Variants in EPHA8 observed in about 807,000 individuals in gnomAD.
EPHA8 encodes the protein ephrin type-A receptor 8.
EPHA8 carries 58 observed loss-of-function variants against 103.6 expected under a neutral mutation model. The observed-to-expected ratio is 0.56, with a 90% confidence interval of 0.45 to 0.70. The LOEUF is 0.70. EPHA8 is among the 30% of genes least tolerant of loss of function. The pLI is 0.00. For missense variants in EPHA8, 1,304 were observed against 1,395.2 expected, an observed-to-expected ratio of 0.93 and a Z score of 1.04; for synonymous variants, 559 against 572.5, an observed-to-expected ratio of 0.98 and a Z score of 0.34.
rs779034408 is a variant in EPHA8, at chr1:22,576,619, A to G, written c.562A>G (p.Ile188Val). ...KRGFYLAFQD[I>V]GACLAILSLR... ...CGGCTTCTACCTGGCCTTCCAGGAC[A>G]TAGGTGCCTGCCTGGCCATCCTCTC... The change falls in exon 3 of 17, where the codon ATA (isoleucine) becomes GTA (valine). Residue 188 changes from isoleucine (I) to valine (V), a missense_variant. Physicochemically the swap from Ile to Val is conservative, Grantham distance 29. Transcript: ENST00000166244. This position sits in a 1 kb window ranked among gnomAD's most constrained non-coding sequence, Gnocchi z 4.8. 9.9e-6 allele frequency: 16 copies of G among 1,613,828 alleles called. No homozygotes were observed. The highest frequency in any genetic ancestry group is 1.4e-5 in the Non-Finnish European group (16 of 1,180,042).
chr1:22,579,112 TG>T (rs1239255898), intron 3 of EPHA8, among the ~76,000 whole-genome samples: 3 of 146,202 alleles, frequency 2.1e-5, no homozygotes, highest in Non-Finnish European at 4.5e-5. Context: ...TATGTGTGCA[TG>T]TGTACGTGTA....
At position 22,589,775 on chromosome 1, in the gene EPHA8, A is replaced by G. The variant is rs966715041; in HGVS notation, c.1315+569A>G. Among the ~76,000 whole-genome samples the G allele has an allele frequency of 6.6e-6, 1 of 152,082 alleles. No homozygotes were observed. The highest frequency in any genetic ancestry group is 1.5e-5 in the Non-Finnish European group (1 of 67,998). ...GAACCTCTTTCTTCCCAAACTCTGG[A>G]GGACCCTGCCCGTCAAGTGACAGCG... On this transcript the variant is annotated intron_variant, in intron 5 of 16. Coordinates refer to ENST00000166244, the MANE Select transcript of EPHA8 (RefSeq NM_020526.5). The surrounding 1 kb of genome is among the most constrained non-coding windows in gnomAD (Gnocchi z 4.3).
At chr1:22,564,302 G>A (rs984386986) in intron 1 of EPHA8, among the ~76,000 whole-genome samples, 1 of 151,710 alleles carries the variant, frequency 6.6e-6, no homozygotes, top group Admixed American at 6.5e-5. Context: ...TGCGGAATGA[G>A]AGTCTGGGAG....
At chr1:22,599,957 GAGGA>G (rs375664405) in intron 13 of EPHA8, among the ~76,000 whole-genome samples, 1,600 of 78,628 alleles carry the variant, frequency 0.02, 1 homozygote, top group South Asian at 0.05. Flanking sequence ...GGGAGGGAGG[GAGGA>G]AGGAAGGACA....
intron 15 of EPHA8, 46 bp downstream of exon 15, chr1:22,601,134 G>C (rs764003448): frequency 6.4e-7 from 1 of 1,573,120 alleles, no homozygotes; most frequent in Non-Finnish European, 8.6e-7. Flanking sequence ...CTGCCTCCCA[G>C]TATTGCCCCA....
chr1:22,588,077 C>A (rs1641265892), intron 4 of EPHA8, among the ~76,000 whole-genome samples: 1 of 152,218 alleles, frequency 6.6e-6, no homozygotes, highest in African/African-American at 2.4e-5. Flanking sequence ...TTTTAGTATT[C>A]TATACCCTTC....
intron 3 of EPHA8, among the ~76,000 whole-genome samples, chr1:22,583,012 G>T (rs867097039): frequency 6.6e-6 from 1 of 152,222 alleles, no homozygotes; most frequent in Non-Finnish European, 1.5e-5. Context: ...GTCCACCAGC[G>T]GACACCTTAT....
intron 3 of EPHA8, among the ~76,000 whole-genome samples, chr1:22,577,363 T>G (rs1640738001): frequency 6.6e-6 from 1 of 152,126 alleles, no homozygotes; most frequent in Non-Finnish European, 1.5e-5. Flanking sequence ...TTGCCCAAGG[T>G]CATGCAGCTG....
rs2295020 is a variant in EPHA8, at chr1:22,593,714, G to A, written c.1603+28G>A. Reference sequence around the variant, plus strand: ...GAGTGCAGGGAGGGGGCGTGGGCGCGGAGCAGCCCAGGTGCCAGGACCCTG... The same window carrying A: ...GAGTGCAGGGAGGGGGCGTGGGCGCAGAGCAGCCCAGGTGCCAGGACCCTG... On this transcript the variant is annotated intron_variant, in intron 7 of 16. Transcript: ENST00000166244. 98 of 1,540,130 alleles carry A rather than the reference G, an allele frequency of 6.4e-5. No homozygotes were observed. The East Asian group carries it at 6.4e-4, about 10-fold the overall frequency.
At position 22,600,806 on chromosome 1, in the gene EPHA8, G is replaced by T. The variant is rs761988321; in HGVS notation, c.2534G>T (p.Arg845Leu). The change falls in exon 14 of 17, where the codon CGG becomes CTG. Residue 845 changes from arginine to leucine, a missense_variant. Transcript: ENST00000166244. ...GERPYWNMTN[R>L]DVISSVEEGY... is the part of the protein sequence containing the mutation. Reference sequence around the variant, plus strand: ...CGGCCCTACTGGAACATGACCAACCGGGATGTGAGTGCCAAGCCCTGGCAG... The same window carrying T: ...CGGCCCTACTGGAACATGACCAACCTGGATGTGAGTGCCAAGCCCTGGCAG... 6.2e-7 allele frequency: 1 copy of T among 1,605,646 alleles called. No homozygotes were observed. Among genetic ancestry groups the T allele is most frequent in the Non-Finnish European group, 8.5e-7 (1 of 1,175,068 alleles).
chr1:22,582,268 T>A (rs990455814), intron 3 of EPHA8, among the ~76,000 whole-genome samples: 1 of 152,124 alleles, frequency 6.6e-6, no homozygotes, highest in Non-Finnish European at 1.5e-5. Context: ...GGGCGTGGAG[T>A]CAGGGGGTCT....
chr1:22,585,049 G>GTGTGTA (rs1641157441), intron 3 of EPHA8, among the ~76,000 whole-genome samples: 1 of 127,508 alleles, frequency 7.8e-6, no homozygotes, highest in Non-Finnish European at 1.6e-5. Context: ...GTGTGTGTGT[G>GTGTGTA]TGCGCACGCG....
chr1:22,578,905 GTATGTATGCATGTGCGTT>G (rs1351971707), intron 3 of EPHA8, among the ~76,000 whole-genome samples: 4 of 138,360 alleles, frequency 2.9e-5, no homozygotes, highest in Non-Finnish European at 6.4e-5. Flanking sequence ...GTGTGCATGT[GTATGTATGCATGTGCGTT>G]TATGTGTGCA....
chr1:22,570,398 G>A (rs1003699382), intron 2 of EPHA8, among the ~76,000 whole-genome samples: 6 of 79,090 alleles, frequency 7.6e-5, no homozygotes, highest in African/African-American at 3.5e-4. Context: ...GCGCGCATAC[G>A]CACATATGCA....
chr1:22,596,019 G>C lies in EPHA8; in HGVS notation c.1698-87G>C, dbSNP rs548751244. Reference sequence around the variant, plus strand: ...CCTGTCAGGGGAAGGGGCATGAAGAGAGAAGCCATGACTCGTTCCCTGGTT... The same window carrying C: ...CCTGTCAGGGGAAGGGGCATGAAGACAGAAGCCATGACTCGTTCCCTGGTT... On this transcript the variant is annotated intron_variant, in intron 8 of 16. Transcript: ENST00000166244. 2.3e-4 allele frequency: 292 copies of C among 1,252,214 alleles called. 1 individual carries two copies. Among genetic ancestry groups the C allele is most frequent in the Non-Finnish European group, 3.3e-4 (283 of 862,902 alleles). 77.6% of individuals were successfully genotyped at this position (1,252,214 alleles called of 1,614,324 possible).
Position 22,570,707 on chromosome 1 carries a change from C to A in EPHA8, c.159+1354C>A, listed in dbSNP as rs1020087016. Among the ~76,000 whole-genome samples the A allele has an allele frequency of 2.0e-5, 3 of 152,342 alleles. No individual in the cohort carries two copies. In the East Asian group the frequency reaches 5.8e-4, roughly 29 times the overall value. On this transcript the variant is annotated intron_variant, in intron 2 of 16. Coordinates refer to ENST00000166244, the MANE Select transcript of EPHA8 (RefSeq NM_020526.5). ...TATCAGCCCTCATGCACCGGGCTCC[C>A]GGGAGCTGGGGGCAGGCCACATGGC...
chr1:22,575,946 A>G (rs1326776925), intron 2 of EPHA8, among the ~76,000 whole-genome samples: 2 of 152,052 alleles, frequency 1.3e-5, no homozygotes, highest in Admixed American at 6.6e-5. Context: ...CCGTCCAGCC[A>G]TTGCTCGATA....
intron 13 of EPHA8, among the ~76,000 whole-genome samples, chr1:22,599,758 A>G (rs866380018): frequency 1.3e-4 from 6 of 47,106 alleles, no homozygotes; most frequent in African/African-American, 5.0e-4. Flanking sequence ...AAGGAGGGAA[A>G]GAAGGGAGAG....
rs747094184 is a variant in EPHA8, at chr1:22,601,291, G to A, written c.2730-9G>A. 1 of 1,591,882 alleles carries A rather than the reference G, an allele frequency of 6.3e-7. No homozygotes were observed. Among genetic ancestry groups the A allele is most frequent in the Non-Finnish European group, 8.5e-7 (1 of 1,173,164 alleles). On this transcript the variant is annotated splice_polypyrimidine_tract_variant and intron_variant, in intron 15 of 16. Transcript: ENST00000166244. ...CTCTGGCCACTTACCAAGAGCCCCT[G>A]TGCCTCAGGTGCCCACCCCCTGCCT...
Sources: allele counts gnomAD v4.1 joint callset (sites outside exome capture counted in the v4.1 genomes callset), GRCh38; gene constraint gnomAD v4.1.1; non-coding constraint Gnocchi (gnomAD v3.1); transcripts MANE v1.5; gene names NCBI Gene and HGNC (gene_info 2026-07-23, HGNC 2026-07-21).